Variants in CDK6 observed in about 807,000 individuals in gnomAD.
CDK6 encodes the protein cyclin-dependent kinase 6.
Under a neutral mutation model 37.1 loss-of-function variants are expected in CDK6, and 6 were observed. The ratio of observed to expected loss-of-function variants is 0.16; its 90% CI spans 0.09 to 0.32. CDK6 has a LOEUF of 0.32. Among genes scored for constraint, CDK6 ranks in the 10% least tolerant of loss-of-function variants. The probability of loss-of-function intolerance (pLI) is 1.00; values close to 1 mark genes in which losing one functional copy is unlikely to be tolerated. For synonymous variants in CDK6, 160 were observed against 161.3 expected (o/e 0.99, Z 0.06); for missense variants, 224 against 418.9 (o/e 0.53, Z 4.06).
At chr7:92,705,793 T>A (rs1474845552) in intron 4 of CDK6, among the ~76,000 whole-genome samples, 1 of 152,228 alleles carries the variant, frequency 6.6e-6, no homozygotes, top group East Asian at 1.9e-4. Context: ...CAAATGTTCT[T>A]AAAGACTAAA....
At chr7:92,622,053 T>A (rs1375051444) in intron 6 of CDK6, among the ~76,000 whole-genome samples, 2 of 149,784 alleles carry the variant, frequency 1.3e-5, no homozygotes, top group Admixed American at 6.6e-5. Context: ...TTCATAAAAA[T>A]CACTGGGATT....
chr7:92,714,287 G>A (rs983979415), intron 4 of CDK6, among the ~76,000 whole-genome samples: 1 of 152,184 alleles, frequency 6.6e-6, no homozygotes, highest in African/African-American at 2.4e-5. Context: ...TCTAAGCAGA[G>A]AGAATGTTTA....
At chr7:92,796,408 T>TAG (rs1199168533) in intron 2 of CDK6, among the ~76,000 whole-genome samples, 1 of 152,114 alleles carries the variant, frequency 6.6e-6, no homozygotes, top group Non-Finnish European at 1.5e-5. Context: ...GACAGACTCT[T>TAG]AGTCTTTTAA....
chr7:92,822,139 GT>G (rs1471857988), intron 2 of CDK6, among the ~76,000 whole-genome samples: 1 of 151,950 alleles, frequency 6.6e-6, no homozygotes, highest in Admixed American at 6.6e-5. Flanking sequence ...CTTAAACCAT[GT>G]TCACAAACTT....
chr7:92,747,044 A>C (rs1176060237), intron 3 of CDK6, among the ~76,000 whole-genome samples: 1 of 152,086 alleles, frequency 6.6e-6, no homozygotes, highest in Admixed American at 6.6e-5. Context: ...CAAAGGTTAC[A>C]TGGGGCTCAG....
chr7:92,689,464 T>C (rs570471134), intron 4 of CDK6, among the ~76,000 whole-genome samples: 14 of 152,342 alleles, frequency 9.2e-5, no homozygotes, highest in East Asian at 7.7e-4. Context: ...CCATGGTGTA[T>C]ATGTACCACA....
chr7:92,826,082 G>T lies in CDK6; in HGVS notation c.233+7009C>A, dbSNP rs1370632386. Among the ~76,000 whole-genome samples, 3 of 152,082 alleles carry T rather than the reference G, an allele frequency of 2.0e-5. No homozygotes were observed. In the East Asian group the frequency reaches 5.8e-4, roughly 29 times the overall value. On this transcript the variant is annotated intron_variant, in intron 2 of 7. Transcript: ENST00000424848. ...AGTATTAACATTATTTCACATGATA[G>T]AAATAATTCATATGGTGTCTTCCTT...
At chr7:92,806,146 A>C (rs988111584) in intron 2 of CDK6, among the ~76,000 whole-genome samples, 5 of 152,240 alleles carry the variant, frequency 3.3e-5, no homozygotes, top group Non-Finnish European at 5.9e-5. Flanking sequence ...TAAGTTTTTA[A>C]AAAATCTATC....
intron 5 of CDK6, among the ~76,000 whole-genome samples, chr7:92,653,939 T>G (rs1796632582): frequency 6.6e-6 from 1 of 152,172 alleles, no homozygotes; most frequent in African/African-American, 2.4e-5. Flanking sequence ...CAGATTTCTA[T>G]TCTTTATCCT....
chr7:92,641,690 G>A (rs917570395), intron 5 of CDK6, among the ~76,000 whole-genome samples: 2 of 152,146 alleles, frequency 1.3e-5, no homozygotes, highest in African/African-American at 4.8e-5. Flanking sequence ...AAACAGTCCA[G>A]ATTGCTGATC....
Position 92,833,582 on chromosome 7 carries a change from C to G in CDK6, c.-259G>C. 5.5e-6 allele frequency: 3 copies of G among 544,420 alleles called. No homozygotes were observed. The highest frequency in any genetic ancestry group is 3.2e-5 in the East Asian group (1 of 30,882). The allele number at this position is 544,420 out of a possible 1,614,324, so 33.7% of individuals were successfully genotyped here. ...TGCAGAGTCGCCGCCGCCGCCGCCG[C>G]CGGAGGAGCGAGCCGATCCCTCCTC... On this transcript the variant is annotated 5_prime_UTR_variant, in exon 2 of 8. Coordinates refer to ENST00000424848, the MANE Select transcript of CDK6 (RefSeq NM_001145306.2). This position sits in a 1 kb window ranked among gnomAD's most constrained non-coding sequence, Gnocchi z 6.1.
chr7:92,625,755 G>A (rs1795914836), intron 5 of CDK6, among the ~76,000 whole-genome samples: 1 of 152,062 alleles, frequency 6.6e-6, no homozygotes, highest in Non-Finnish European at 1.5e-5. Context: ...TTTTTTAACA[G>A]ATGAGAAGTG....
chr7:92,823,443 T>TAA (rs34132527), intron 2 of CDK6, among the ~76,000 whole-genome samples: 8 of 74,844 alleles, frequency 1.1e-4, no homozygotes, highest in Admixed American at 4.6e-4. Flanking sequence ...TCTTAATATG[T>TAA]AAAAAAAAAA....
At chr7:92,627,006 G>C (rs1295365585) in intron 5 of CDK6, among the ~76,000 whole-genome samples, 1 of 151,942 alleles carries the variant, frequency 6.6e-6, no homozygotes, top group East Asian at 1.9e-4. Context: ...ATAAAAACTT[G>C]TACATGAATA....
rs111491449 is a variant in CDK6 at position 92,735,366 on chromosome 7, C to T, written c.370-9573G>A. 1.6e-3 allele frequency among the ~76,000 whole-genome samples: 239 copies of T among 152,056 alleles called. 1 individual carries two copies. The highest frequency in any genetic ancestry group is 5.3e-3 in the African/African-American group (219 of 41,464). On this transcript the variant is annotated intron_variant, in intron 3 of 7. Transcript: ENST00000424848. ...GTATGTCTAAGGGTGTAAATGATTC[C>T]ATCACCCAGGTAGTGAGCACAGTAT... is the stretch of plus-strand genomic sequence containing the variant.
At chr7:92,746,983 A>G (rs901562894) in intron 3 of CDK6, among the ~76,000 whole-genome samples, 2 of 152,014 alleles carry the variant, frequency 1.3e-5, no homozygotes, top group African/African-American at 2.4e-5. Context: ...AAAACACAGA[A>G]TATTTCTCAC....
chr7:92,676,211 T>G (rs950588815), intron 4 of CDK6, among the ~76,000 whole-genome samples: 1 of 152,036 alleles, frequency 6.6e-6, no homozygotes, highest in Non-Finnish European at 1.5e-5. Flanking sequence ...AGATAAACTT[T>G]TCTCATTTTT....
chr7:92,713,600 A>G (rs1235640330), intron 4 of CDK6, among the ~76,000 whole-genome samples: 2 of 151,680 alleles, frequency 1.3e-5, no homozygotes, highest in Middle Eastern at 3.2e-3. Context: ...CTCTGTACTG[A>G]AAGCTGAAGA....
chr7:92,636,116 A>C (rs573044184), intron 5 of CDK6, among the ~76,000 whole-genome samples: 41 of 152,058 alleles, frequency 2.7e-4, no homozygotes, highest in Non-Finnish European at 5.0e-4. Flanking sequence ...GGGTGCAGTG[A>C]AGTGATCTCA....
Sources: allele counts gnomAD v4.1 joint callset (sites outside exome capture counted in the v4.1 genomes callset), GRCh38; gene constraint gnomAD v4.1.1; non-coding constraint Gnocchi (gnomAD v3.1); transcripts MANE v1.5; gene names NCBI Gene and HGNC (gene_info 2026-07-23, HGNC 2026-07-21).